AKAP12: variants seen among roughly 807,000 people sequenced by gnomAD.
The protein encoded by AKAP12 is A-kinase anchoring protein 12.
Under a neutral mutation model 79.9 loss-of-function variants are expected in AKAP12, and 32 were observed. The ratio of observed to expected loss-of-function variants is 0.40; its 90% CI spans 0.30 to 0.54. The LOEUF (loss-of-function observed/expected upper bound fraction) is 0.54, where lower values mean the gene tolerates loss of function less well. AKAP12 is among the 20% of genes least tolerant of loss of function. The pLI, the probability that AKAP12 is intolerant of heterozygous loss-of-function variation, is 0.48. For synonymous variants in AKAP12, 808 were observed against 857.0 expected, an observed-to-expected ratio of 0.94 and a Z score of 1.00; for missense variants, 2,074 against 2,177.0, an observed-to-expected ratio of 0.95 and a Z score of 0.94.
At chr6:151,268,890 C>T (rs773593153) in intron 2 of AKAP12, among the ~76,000 whole-genome samples, 1 of 151,176 alleles carries the variant, frequency 6.6e-6, no homozygotes, top group Admixed American at 6.6e-5. Context: ...GCGATCCACC[C>T]GCCTTGGCTT....
chr6:151,341,697 C>CGTGCACCCAAGCGGCA, intron 3 of AKAP12: 5 of 1,246,626 alleles, frequency 4.0e-6, no homozygotes, highest in Non-Finnish European at 5.2e-6. Flanking sequence ...GTGAGTAGCA[C>CGTGCACCCAAGCGGCA]GTGCACCCAA....
chr6:151,256,510 TA>T (rs199714517), intron 2 of AKAP12, among the ~76,000 whole-genome samples: 1,847 of 152,156 alleles, frequency 0.012, 37 homozygotes, highest in African/African-American at 0.042. Flanking sequence ...ACTGAGAAAA[TA>T]ATCTTAAGAT....
At chr6:151,344,894 T>C (rs1778048198) in intron 3 of AKAP12, among the ~76,000 whole-genome samples, 1 of 152,178 alleles carries the variant, frequency 6.6e-6, no homozygotes, top group African/African-American at 2.4e-5. Flanking sequence ...AGTAGTATGA[T>C]GGCAATTTGT....
intron 3 of AKAP12, chr6:151,324,018 T>C (rs991453380): frequency 2.0e-6 from 2 of 985,310 alleles, no homozygotes; most frequent in Non-Finnish European, 2.4e-6. Context: ...CAGGACACTC[T>C]GGGGCTGGGA....
intron 2 of AKAP12, among the ~76,000 whole-genome samples, chr6:151,305,529 A>ATGGC (rs1307134719): frequency 6.6e-6 from 1 of 152,082 alleles, no homozygotes; most frequent in Non-Finnish European, 1.5e-5. Flanking sequence ...GAGTGGATGA[A>ATGGC]TGGCTGATGG....
chr6:151,285,986 T>G (rs1371745617), intron 2 of AKAP12, among the ~76,000 whole-genome samples: 1 of 152,056 alleles, frequency 6.6e-6, no homozygotes, highest in Non-Finnish European at 1.5e-5. Flanking sequence ...CAAGCGATTC[T>G]TCTGCCTCAG....
At chr6:151,301,992 T>C (rs1776871139) in intron 2 of AKAP12, among the ~76,000 whole-genome samples, 1 of 151,880 alleles carries the variant, frequency 6.6e-6, no homozygotes, top group South Asian at 2.1e-4. Flanking sequence ...TACTTTGCTA[T>C]GTGTGTGTAA....
chr6:151,315,975 A>G (rs1004816710), intron 3 of AKAP12, among the ~76,000 whole-genome samples: 1 of 152,154 alleles, frequency 6.6e-6, no homozygotes, highest in Admixed American at 6.5e-5. Flanking sequence ...CCCATGATTA[A>G]ATTTCCTCCC....
intron 3 of AKAP12, chr6:151,325,449 C>T: frequency 1.0e-6 from 1 of 985,400 alleles, no homozygotes; most frequent in Non-Finnish European, 1.2e-6. Context: ...TAAACCCTCC[C>T]GGGACTCTGC....
intron 3 of AKAP12, among the ~76,000 whole-genome samples, chr6:151,307,885 G>A (rs9397045): frequency 0.28 from 42,552 of 151,894 alleles, 6,116 homozygotes; most frequent in Admixed American, 0.35. Context: ...TTGAGATGGT[G>A]TCTCAGTCTC....
At chr6:151,273,261 C>T (rs930311625) in intron 2 of AKAP12, among the ~76,000 whole-genome samples, 4 of 152,196 alleles carry the variant, frequency 2.6e-5, no homozygotes, top group Admixed American at 1.3e-4. Context: ...CGTGATGGTG[C>T]GGTGATAGTG....
rs1778290994 is a variant in AKAP12, at chr6:151,351,552, C to G, written c.3161C>G (p.Ser1054Cys). 1 of 1,614,006 alleles carries G rather than the reference C, an allele frequency of 6.2e-7. No homozygotes were observed. ...GTGGCAGAAAAAGTGAAAGAGGAAT[C>G]CCAGCTGCCTGGCACCGGTGGGCCA... ...QAVAEKVKEE[S>C]QLPGTGGPED... Residue 1054 changes from serine to cysteine, a missense_variant, in exon 4 of 5, where the codon TCC becomes TGC. Around this residue, in one of 3 missense-constraint regions of AKAP12, gnomAD observed 1,428 missense variants for 1,451.0 expected, o/e 0.98. Coordinates refer to ENST00000402676, the MANE Select transcript of AKAP12 (RefSeq NM_005100.4). The surrounding 1 kb of genome is among the most constrained non-coding windows in gnomAD (Gnocchi z 4.4).
At chr6:151,291,536 A>G (rs1355630843) in intron 2 of AKAP12, among the ~76,000 whole-genome samples, 1 of 152,178 alleles carries the variant, frequency 6.6e-6, no homozygotes, top group Non-Finnish European at 1.5e-5. Flanking sequence ...ACTGATAAAC[A>G]CTGGCTGTGC....
intron 3 of AKAP12, among the ~76,000 whole-genome samples, chr6:151,326,656 G>T (rs953426718): frequency 6.6e-6 from 1 of 152,046 alleles, no homozygotes; most frequent in Non-Finnish European, 1.5e-5. Context: ...CTTGACATTT[G>T]ATAGTCTTAT....
Position 151,240,571 on chromosome 6 carries a change from CG to C in AKAP12, c.12del (p.Ser5AlafsTer64). Reference sequence around the variant, plus strand: ...AGAAGTGCGGAGGAGCCATGGGCGCCGGGAGCTCCACCGAGCAGCGCAGCCC... The same window carrying C: ...AGAAGTGCGGAGGAGCCATGGGCGCCGGAGCTCCACCGAGCAGCGCAGCCC... MGA[G>X]SSTEQRSPEQ... is the part of the protein sequence containing the mutation. On this transcript the variant is annotated frameshift_variant, in exon 2 of 5. Transcript: ENST00000402676. LOFTEE classifies it high-confidence loss of function. The C allele has an allele frequency of 6.9e-7, 1 of 1,442,832 alleles. No homozygotes were observed. The highest frequency in any genetic ancestry group is 9.1e-7 in the Non-Finnish European group (1 of 1,104,024). The allele number at this position is 1,442,832 out of a possible 1,614,324, so 89.4% of individuals were successfully genotyped here.
At chr6:151,348,009 T>TA (rs1778148845) in intron 3 of AKAP12, among the ~76,000 whole-genome samples, 1 of 118,524 alleles carries the variant, frequency 8.4e-6, no homozygotes, top group South Asian at 2.5e-4. Flanking sequence ...GTCTCTATAC[T>TA]AAAAATACAA....
chr6:151,295,231 T>C (rs1160483326), intron 2 of AKAP12, among the ~76,000 whole-genome samples: 1 of 152,206 alleles, frequency 6.6e-6, no homozygotes, highest in Non-Finnish European at 1.5e-5. Context: ...TGAGATACAT[T>C]ATTTTCTAAT....
chr6:151,312,793 CAAAAAAAAAA>C (rs55685824), intron 3 of AKAP12, among the ~76,000 whole-genome samples: 2 of 72,998 alleles, frequency 2.7e-5, no homozygotes, highest in South Asian at 5.7e-4. Flanking sequence ...ACTCTGTCTC[CAAAAAAAAAA>C]AAAAAAAAGA....
At chr6:151,344,885 G>A (rs1778047707) in intron 3 of AKAP12, among the ~76,000 whole-genome samples, 1 of 151,988 alleles carries the variant, frequency 6.6e-6, no homozygotes, top group Non-Finnish European at 1.5e-5. Context: ...AACCAAATAA[G>A]TAGTATGATG....
Sources: gnomAD v4.1 joint callset for allele counts (sites outside exome capture counted in the v4.1 genomes callset) on GRCh38, gnomAD v4.1.1 for gene constraint, gnomAD v4.1.1 regional missense constraint, Gnocchi (gnomAD v3.1) non-coding constraint, MANE v1.5 for transcripts, NCBI Gene and HGNC (gene_info 2026-07-23, HGNC 2026-07-21) for gene names.